RASSF8: variants seen among roughly 807,000 people sequenced by gnomAD.
The protein encoded by RASSF8 is Ras association domain family member 8.
RASSF8 carries 22 observed loss-of-function variants against 48.5 expected under a neutral mutation model. That is an observed-to-expected ratio of 0.45 (90% CI 0.32 to 0.65). The LOEUF is 0.65. RASSF8 is among the 30% of genes least tolerant of loss of function. The pLI, the probability that RASSF8 is intolerant of heterozygous loss-of-function variation, is 0.03. For synonymous variants in RASSF8, 127 were observed against 171.5 expected (o/e 0.74, Z 2.03); for missense variants, 418 against 489.2 (o/e 0.85, Z 1.37).
At chr12:25,969,419 T>C (rs922788792) in intron 1 of RASSF8, among the ~76,000 whole-genome samples, 22 of 152,184 alleles carry the variant, frequency 1.4e-4, no homozygotes, top group African/African-American at 5.3e-4. Flanking sequence ...GAACAGAGCA[T>C]GGCAGATAGT....
At chr12:25,978,457 A>C (rs1941661843) in intron 1 of RASSF8, among the ~76,000 whole-genome samples, 1 of 152,234 alleles carries the variant, frequency 6.6e-6, no homozygotes, top group Admixed American at 6.5e-5. Flanking sequence ...TATGTTAATA[A>C]GTATTGCTTA....
At chr12:26,053,450 C>T (rs1392202838) in intron 2 of RASSF8, among the ~76,000 whole-genome samples, 3 of 152,068 alleles carry the variant, frequency 2.0e-5, no homozygotes, top group Admixed American at 6.6e-5. Context: ...TAGAGTGCCT[C>T]GCAGAAGAGG....
chr12:25,986,993 T>C (rs1941899915), intron 1 of RASSF8, among the ~76,000 whole-genome samples: 2 of 151,996 alleles, frequency 1.3e-5, no homozygotes, highest in African/African-American at 4.8e-5. Context: ...TGGAGTGCAA[T>C]GGCGCAATCT....
At chr12:26,053,351 T>G (rs1943534697) in intron 2 of RASSF8, among the ~76,000 whole-genome samples, 1 of 152,174 alleles carries the variant, frequency 6.6e-6, no homozygotes, top group Admixed American at 6.5e-5. Context: ...TTTACAAAAA[T>G]TTAATAAAGC....
At chr12:25,974,827 T>TG (rs1022125166) in intron 1 of RASSF8, among the ~76,000 whole-genome samples, 3 of 152,050 alleles carry the variant, frequency 2.0e-5, no homozygotes, top group African/African-American at 7.2e-5. Context: ...GAATGTAGCG[T>TG]GGGTAGGGTA....
chr12:25,971,005 A>G (rs1161132398), intron 1 of RASSF8, among the ~76,000 whole-genome samples: 2 of 152,148 alleles, frequency 1.3e-5, no homozygotes, highest in African/African-American at 2.4e-5. Context: ...ATGCATACAT[A>G]GTTCTTATTC....
chr12:26,064,928 A>C lies in RASSF8; in HGVS notation c.534A>C (p.Gln178His). Residue 178 changes from glutamine to histidine, a missense_variant, in exon 4 of 6, where the codon CAA becomes CAC. By Grantham distance (24) the Gln-to-His change is conservative. Transcript: ENST00000689635. ...TCCGTCTGCAGACAGAGAAGCTTCA[A>C]TCCATTGAGAAACAGCTGGAATCTA... ...KLIRLQTEKL[Q>H]SIEKQLESNE... The C allele has an allele frequency of 1.2e-6, 2 of 1,614,226 alleles. No homozygotes were observed. The highest frequency in any genetic ancestry group is 1.7e-6 in the Non-Finnish European group (2 of 1,180,030).
chr12:25,998,672 C>A (rs986006154), intron 2 of RASSF8, among the ~76,000 whole-genome samples: 1 of 152,084 alleles, frequency 6.6e-6, no homozygotes, highest in Non-Finnish European at 1.5e-5. Flanking sequence ...AGGTTTGATT[C>A]TCTCTTGCCT....
At position 26,068,818 on chromosome 12, in the gene RASSF8, A is replaced by C. The variant is rs1328643145; in HGVS notation, c.1260A>C (p.Ter420CysextTer21). 2.0e-6 allele frequency: 3 copies of C among 1,536,808 alleles called. No individual in the cohort carries two copies. The highest frequency in any genetic ancestry group is 1.2e-5 in the South Asian group (1 of 84,032). Residue 420 changes from the stop codon to cysteine (C), a stop_lost, in exon 6 of 6, where the codon TGA becomes TGC. Transcript: ENST00000689635. ...TTAATCCTGAAGGCATATATGTATG[A>C]CATTATCTGTCTTTAGGGAGGAGAC... ...SGFNPEGIYV[*>C]
chr12:26,036,405 T>G (rs1023613069), intron 2 of RASSF8, among the ~76,000 whole-genome samples: 2 of 152,158 alleles, frequency 1.3e-5, no homozygotes, highest in Non-Finnish European at 2.9e-5. Flanking sequence ...TAACAAAAAT[T>G]TAAGCTATTC....
chr12:26,054,469 C>T (rs1223439259), intron 2 of RASSF8, among the ~76,000 whole-genome samples: 3 of 151,858 alleles, frequency 2.0e-5, no homozygotes. Context: ...ACTATCAAAC[C>T]CAGTTAAATG....
intron 2 of RASSF8, among the ~76,000 whole-genome samples, chr12:26,000,283 A>G (rs1942225272): frequency 1.3e-5 from 2 of 152,212 alleles, no homozygotes; most frequent in South Asian, 2.1e-4. Flanking sequence ...TAATACATAT[A>G]CTAGAAAAGA....
chr12:26,072,558 G>C lies in RASSF8; in HGVS notation c.*3740G>C, dbSNP rs968302775. ...GGGGGAGGGGAAAGATTAAAAAATA[G>C]ATTTACAGCCAGACATGGTGATAGC... is the stretch of plus-strand genomic sequence containing the variant. On this transcript the variant is annotated 3_prime_UTR_variant, in exon 6 of 6. Transcript: ENST00000689635. The C allele has an allele frequency of 1.0e-6, 1 of 984,880 alleles. No homozygotes were observed. Among genetic ancestry groups the C allele is most frequent in the Non-Finnish European group, 1.2e-6 (1 of 829,514 alleles). The allele number at this position is 984,880 out of a possible 1,614,324, so 61.0% of individuals were successfully genotyped here. A position where few individuals can be genotyped will look rare whatever the true frequency, so the allele number is the denominator to read the frequency against.
chr12:26,005,517 A>G (rs1470887459), intron 2 of RASSF8, among the ~76,000 whole-genome samples: 3 of 152,236 alleles, frequency 2.0e-5, no homozygotes, highest in South Asian at 4.1e-4. Flanking sequence ...GAGAAAATGT[A>G]AAAATAAGAC....
At chr12:26,013,665 C>T (rs541241380) in intron 2 of RASSF8, among the ~76,000 whole-genome samples, 1 of 151,776 alleles carries the variant, frequency 6.6e-6, no homozygotes, top group African/African-American at 2.4e-5. Flanking sequence ...ACCAAGTTTA[C>T]TTTTACCTAT....
At chr12:26,074,306 C>A (rs7138208), downstream of RASSF8, among the ~76,000 whole-genome samples, 1 of 151,964 alleles carries the variant, frequency 6.6e-6, no homozygotes, top group Non-Finnish European at 1.5e-5. Context: ...TGTTTTTGTC[C>A]GGACACTGGA....
chr12:26,005,158 G>A (rs1464478403), intron 2 of RASSF8, among the ~76,000 whole-genome samples: 3 of 137,716 alleles, frequency 2.2e-5, no homozygotes, highest in South Asian at 5.1e-4. Flanking sequence ...AAATTTTTAC[G>A]GATGGGGTGT....
chr12:26,052,496 A>G (rs1012154278), intron 2 of RASSF8: 1 of 152,212 alleles, frequency 6.6e-6, no homozygotes, highest in Non-Finnish European at 1.5e-5. Flanking sequence ...TTCTATCTGC[A>G]TCACTGTTTC....
In RASSF8 at chr12:26,070,854, A is replaced by C. The variant is rs879103672; in HGVS notation, c.*2036A>C. On this transcript the variant is annotated 3_prime_UTR_variant, in exon 6 of 6. Coordinates refer to ENST00000689635, the MANE Select transcript of RASSF8 (RefSeq NM_001394098.1). ...TTAGGAGTTTCAGAGATGCCTTGGC[A>C]TACCACGAAAAACACTGTCAATATC... 2.0e-6 allele frequency: 2 copies of C among 984,550 alleles called. No homozygotes were observed. 61.0% of individuals were successfully genotyped at this position (984,550 alleles called of 1,614,324 possible). A position where few individuals can be genotyped will look rare whatever the true frequency, so the allele number is the denominator to read the frequency against.
Sources: gnomAD v4.1 joint callset for allele counts (sites outside exome capture counted in the v4.1 genomes callset) on GRCh38, gnomAD v4.1.1 for gene constraint, MANE v1.5 for transcripts, NCBI Gene and HGNC (gene_info 2026-07-23, HGNC 2026-07-21) for gene names.